KLKB1: variants seen among roughly 807,000 people sequenced by gnomAD.
KLKB1 encodes the protein kallikrein B1.
Under a neutral mutation model 73.6 loss-of-function variants are expected in KLKB1, and 58 were observed. The observed-to-expected ratio is 0.79, with a 90% CI of 0.64 to 0.98. The LOEUF is 0.98. Ranked by LOEUF, KLKB1 falls within the 50% of genes least tolerant of loss-of-function variation. The pLI, the probability that KLKB1 is intolerant of heterozygous loss-of-function variation, is 0.00. For missense variants in KLKB1, 737 were observed against 763.8 expected, an observed-to-expected ratio of 0.96 and a Z score of 0.41; for synonymous variants, 280 against 258.1, an observed-to-expected ratio of 1.08 and a Z score of -0.81.
chr4:186,235,877 A>G (rs1172291893), intron 4 of KLKB1, among the ~76,000 whole-genome samples: 1 of 152,028 alleles, frequency 6.6e-6, no homozygotes, highest in East Asian at 1.9e-4. Flanking sequence ...GCACTTTGGG[A>G]GGCCGAGACG....
chr4:186,257,499 A>G, intron 14 of KLKB1, 134 bp downstream of exon 14: 1 of 582,144 alleles, frequency 1.7e-6, no homozygotes, highest in East Asian at 3.8e-5. Flanking sequence ...ATTGATAAGC[A>G]ACTTTTAACA....
At chr4:186,249,805 A>C (rs1738570382) in intron 6 of KLKB1, among the ~76,000 whole-genome samples, 1 of 152,240 alleles carries the variant, frequency 6.6e-6, no homozygotes, top group African/African-American at 2.4e-5. Flanking sequence ...TGATAATAAA[A>C]GTGGATTGTC....
At chr4:186,253,862 GTCTC>G (rs1163253933) in intron 11 of KLKB1, among the ~76,000 whole-genome samples, 2 of 151,890 alleles carry the variant, frequency 1.3e-5, no homozygotes, top group East Asian at 3.9e-4. Context: ...TTGAGATGGA[GTCTC>G]TCTCTGTTGC....
chr4:186,221,385 G>A (rs537913800), intron 2 of KLKB1, among the ~76,000 whole-genome samples: 38 of 151,192 alleles, frequency 2.5e-4, no homozygotes, highest in African/African-American at 8.7e-4. Context: ...GTAAAGTTAG[G>A]ATATTTCAGA....
At chr4:186,220,560 G>T (rs1392344243) in intron 2 of KLKB1, among the ~76,000 whole-genome samples, 1 of 152,132 alleles carries the variant, frequency 6.6e-6, no homozygotes, top group Admixed American at 6.5e-5. Flanking sequence ...AGTTGTAAGT[G>T]CCTCTCTTCA....
At chr4:186,216,949 C>T (rs1736918863) in intron 2 of KLKB1, among the ~76,000 whole-genome samples, 1 of 152,216 alleles carries the variant, frequency 6.6e-6, no homozygotes, top group South Asian at 2.1e-4. Context: ...ACCCCATCTG[C>T]AGAATTGCTT....
intron 6 of KLKB1, among the ~76,000 whole-genome samples, chr4:186,242,620 C>G (rs1738114505): frequency 6.6e-6 from 1 of 152,076 alleles, no homozygotes; most frequent in South Asian, 2.1e-4. Flanking sequence ...GACACAAGGT[C>G]TGAATAAGAG....
intron 12 of KLKB1, 135 bp downstream of exon 12, chr4:186,254,898 T>TTCCCTCAC: frequency 1.4e-6 from 1 of 733,258 alleles, no homozygotes; most frequent in Non-Finnish European, 2.3e-6. Flanking sequence ...ACGTGAGGGT[T>TTCCCTCAC]GCTGGGAAGT....
intron 6 of KLKB1, among the ~76,000 whole-genome samples, chr4:186,238,929 G>T (rs1018029135): frequency 7.0e-5 from 10 of 143,168 alleles, no homozygotes; most frequent in African/African-American, 2.7e-4. Flanking sequence ...CAGTGATACT[G>T]TTATAGTTAT....
chr4:186,232,398 AC>A, intron 3 of KLKB1, 109 bp downstream of exon 3: 1 of 1,037,034 alleles, frequency 9.6e-7, no homozygotes, highest in Non-Finnish European at 1.5e-6. Flanking sequence ...GGGTTCAAGG[AC>A]CAGCTTCAGC....
At chr4:186,220,576 T>A (rs1261948643) in intron 2 of KLKB1, among the ~76,000 whole-genome samples, 1 of 152,208 alleles carries the variant, frequency 6.6e-6, no homozygotes, top group Non-Finnish European at 1.5e-5. Context: ...CTTCAGATGA[T>A]CATATGATTT....
chr4:186,238,262 T>C lies in KLKB1; in HGVS notation c.495T>C (p.Asn165=), dbSNP rs769257171. 4 of 1,608,462 alleles carry C rather than the reference T, an allele frequency of 2.5e-6. No homozygotes were observed. The highest frequency in any genetic ancestry group is 2.2e-5 in the East Asian group (1 of 44,844). The change falls in exon 6 of 15, where the codon AAT becomes AAC. Residue 165 remains asparagine (N), a synonymous_variant. Coordinates refer to ENST00000264690, the MANE Select transcript of KLKB1 (RefSeq NM_000892.5). ...QTFHKAEYRN[N]CLLKYSPGGT... is the part of the protein sequence containing the mutation. The stretch of plus-strand genomic sequence containing the variant: ...CTCTTTTCTTCCCATTCAGGAACAA[T>C]TGCCTATTAAAGTACAGTCCCGGAG...
intron 2 of KLKB1, 87 bp downstream of exon 2, chr4:186,228,340 A>T: frequency 2.5e-6 from 2 of 815,154 alleles, no homozygotes; most frequent in Non-Finnish European, 4.3e-6. Flanking sequence ...AAGCTATTGA[A>T]CATACAGCTT....
intron 6 of KLKB1, among the ~76,000 whole-genome samples, chr4:186,245,477 T>C (rs1251696947): frequency 6.6e-6 from 1 of 152,188 alleles, no homozygotes; most frequent in Non-Finnish European, 1.5e-5. Flanking sequence ...ACAGTCCGAT[T>C]TCTAGTGGGG....
rs184023911 is a variant in KLKB1 at position 186,258,330 on chromosome 4, A to G, written c.*118A>G. 1.5e-5 allele frequency: 14 copies of G among 925,154 alleles called. No homozygotes were observed. In the African/African-American group the frequency reaches 2.0e-4, roughly 13 times the overall value. 57.3% of individuals were successfully genotyped at this position (925,154 alleles called of 1,614,324 possible). A position where few individuals can be genotyped will look rare whatever the true frequency, so the allele number is the denominator to read the frequency against. On this transcript the variant is annotated 3_prime_UTR_variant, in exon 15 of 15. Transcript: ENST00000264690. Reference sequence around the variant, plus strand: ...CATCTTCTTTGCATCCTAAGGACGAAAAACACAGTGCACTCAGAGCTGCTG... The same window carrying G: ...CATCTTCTTTGCATCCTAAGGACGAGAAACACAGTGCACTCAGAGCTGCTG...
At chr4:186,245,449 G>A (rs1458632887) in intron 6 of KLKB1, among the ~76,000 whole-genome samples, 3 of 152,200 alleles carry the variant, frequency 2.0e-5, no homozygotes, top group Admixed American at 2.0e-4. Flanking sequence ...CTCTGGGAGT[G>A]GCAGCCAGGC....
chr4:186,255,225 T>TGGAG (rs1738935337), intron 12 of KLKB1, among the ~76,000 whole-genome samples: 1 of 152,154 alleles, frequency 6.6e-6, no homozygotes, highest in Admixed American at 6.5e-5. Flanking sequence ...GTGTTGCCTT[T>TGGAG]GGAGGGTCAT....
rs1481714594 is a variant in KLKB1, at chr4:186,252,007, C to T, written c.1145-10C>T. On this transcript the variant is annotated splice_polypyrimidine_tract_variant and intron_variant, in intron 10 of 14. Coordinates refer to ENST00000264690, the MANE Select transcript of KLKB1 (RefSeq NM_000892.5). ...AATTCCAACCATTAGCGTCAACGCTCTCTTTTCAGTCTGCACAACAAAAAC... is the reference window on the plus strand; with the variant it reads ...AATTCCAACCATTAGCGTCAACGCTTTCTTTTCAGTCTGCACAACAAAAAC... The T allele has an allele frequency of 3.1e-6, 5 of 1,614,100 alleles. No homozygotes were observed. Among genetic ancestry groups the T allele is most frequent in the African/African-American group, 1.3e-5 (1 of 74,940 alleles).
In KLKB1 at chr4:186,232,348, G is replaced by T; in HGVS notation, c.221+59G>T. 4.0e-6 allele frequency: 6 copies of T among 1,490,026 alleles called. No individual in the cohort carries two copies. In the South Asian group the frequency reaches 6.8e-5, roughly 17 times the overall value. The allele number at this position is 1,490,026 out of a possible 1,614,324, so 92.3% of individuals were successfully genotyped here. ...TTTTTCAAAACTGAATCAGTTTTGT[G>T]CAGAAAGGTGTAGTATAACTGAGAG... On this transcript the variant is annotated intron_variant, in intron 3 of 14. Transcript: ENST00000264690.
Sources: gnomAD v4.1 joint callset for allele counts (sites outside exome capture counted in the v4.1 genomes callset) on GRCh38, gnomAD v4.1.1 for gene constraint, MANE v1.5 for transcripts, NCBI Gene and HGNC (gene_info 2026-07-23, HGNC 2026-07-21) for gene names.